Variants in FAM114A1 observed in about 807,000 individuals in gnomAD.
The protein encoded by FAM114A1 is family with sequence similarity 114 member A1, also known as protein NOXP20.
Under a neutral mutation model 64.3 loss-of-function variants are expected in FAM114A1, and 62 were observed. The ratio of observed to expected loss-of-function variants is 0.96; its 90% CI spans 0.79 to 1.19. FAM114A1 has a LOEUF of 1.19. Ranked by LOEUF, FAM114A1 falls within the 50% of genes most tolerant of loss-of-function variation. The pLI, the probability that FAM114A1 is intolerant of heterozygous loss-of-function variation, is 0.00. For synonymous variants in FAM114A1, 254 were observed against 251.1 expected, an observed-to-expected ratio of 1.01 and a Z score of -0.11; for missense variants, 645 against 676.3, an observed-to-expected ratio of 0.95 and a Z score of 0.51.
rs560968782 is a variant in FAM114A1, at chr4:38,893,811, C to T, written c.436+1981C>T. 6.6e-5 allele frequency among the ~76,000 whole-genome samples: 10 copies of T among 152,266 alleles called. No individual in the cohort carries two copies. The South Asian group carries it at 1.2e-3, about 19-fold the overall frequency. Reference sequence around the variant, plus strand: ...CCAGTGGATGGTGCTCCAAGGCCTCCGGGTTTTGTCACCTGGTTCACATGT... The same window carrying T: ...CCAGTGGATGGTGCTCCAAGGCCTCTGGGTTTTGTCACCTGGTTCACATGT... On this transcript the variant is annotated intron_variant, in intron 4 of 14. Transcript: ENST00000358869.
intron 6 of FAM114A1, among the ~76,000 whole-genome samples, chr4:38,907,923 AAAAG>A (rs1718178779): frequency 6.6e-6 from 1 of 152,226 alleles, no homozygotes; most frequent in African/African-American, 2.4e-5. Context: ...ATTTTTTAAA[AAAAG>A]CAACAATGAC....
At chr4:38,924,651 G>T (rs79198921) in intron 9 of FAM114A1, among the ~76,000 whole-genome samples, 12,790 of 152,252 alleles carry the variant, frequency 0.084, 1,079 homozygotes, top group African/African-American at 0.19. Context: ...CCGTATCAGA[G>T]ACAGTTGGGA....
intron 4 of FAM114A1, among the ~76,000 whole-genome samples, chr4:38,897,200 A>G (rs1267195718): frequency 6.6e-6 from 1 of 152,184 alleles, no homozygotes; most frequent in Non-Finnish European, 1.5e-5. Flanking sequence ...CTAACTAGCT[A>G]CACTGTGCCC....
At chr4:38,935,917 G>A (rs970490958) in intron 13 of FAM114A1, 127 bp downstream of exon 13, 17 of 692,154 alleles carry the variant, frequency 2.5e-5, no homozygotes, top group Non-Finnish European at 4.2e-5. Context: ...GTAAGCTGAA[G>A]TCAGGCCAAG....
At chr4:38,929,218 T>G (rs754064027) in intron 9 of FAM114A1, 24 bp from the exon 10 acceptor site, 2 of 1,558,396 alleles carry the variant, frequency 1.3e-6, no homozygotes, top group Admixed American at 1.7e-5. Context: ...AAATCACGCT[T>G]CTTCTGTCGT....
intron 8 of FAM114A1, among the ~76,000 whole-genome samples, chr4:38,916,703 A>G (rs746467067): frequency 1.3e-5 from 2 of 152,220 alleles, no homozygotes; most frequent in Non-Finnish European, 2.9e-5. Context: ...GAAATCCCTA[A>G]TGTAAATGAC....
At chr4:38,943,214 T>C (rs1721709003) in intron 14 of FAM114A1, among the ~76,000 whole-genome samples, 1 of 149,372 alleles carries the variant, frequency 6.7e-6, no homozygotes. Flanking sequence ...AAAAAAAAAT[T>C]CCATGAAAAT....
At chr4:38,898,409 A>C (rs1717153453) in intron 4 of FAM114A1, among the ~76,000 whole-genome samples, 1 of 152,222 alleles carries the variant, frequency 6.6e-6, no homozygotes, top group South Asian at 2.1e-4. Context: ...TATTACAGAG[A>C]ATGGCAAACT....
chr4:38,936,254 G>A (rs974998511), intron 13 of FAM114A1, among the ~76,000 whole-genome samples: 150 of 151,090 alleles, frequency 9.9e-4, no homozygotes, highest in African/African-American at 3.5e-3. Flanking sequence ...CACCACACCC[G>A]GCTAATTTTT....
intron 14 of FAM114A1, among the ~76,000 whole-genome samples, chr4:38,942,011 T>TGA (rs1175327440): frequency 1.7e-3 from 252 of 152,250 alleles, no homozygotes; most frequent in African/African-American, 5.2e-3. Context: ...GAAAGGCACA[T>TGA]CTCACATGGC....
At chr4:38,926,505 A>C (rs1213528591) in intron 9 of FAM114A1, among the ~76,000 whole-genome samples, 1 of 146,750 alleles carries the variant, frequency 6.8e-6, no homozygotes, top group African/African-American at 2.5e-5. Context: ...GCCAGGCTGG[A>C]GTACAGTGGT....
chr4:38,889,545 A>G (rs1716123647), intron 3 of FAM114A1, among the ~76,000 whole-genome samples: 1 of 152,150 alleles, frequency 6.6e-6, no homozygotes, highest in Non-Finnish European at 1.5e-5. Context: ...ATTTCTTTTG[A>G]TCTTCACGAA....
intron 12 of FAM114A1, among the ~76,000 whole-genome samples, chr4:38,932,702 GCCCAGGCTGGTCTCAAACT>G (rs1720758055): frequency 1.3e-5 from 2 of 151,630 alleles, no homozygotes; most frequent in African/African-American, 4.9e-5. Flanking sequence ...TGGCCACGTT[GCCCAGGCTGGTCTCAAACT>G]CCTGAGCTCA....
At chr4:38,897,594 C>T (rs1717058456) in intron 4 of FAM114A1, among the ~76,000 whole-genome samples, 1 of 152,188 alleles carries the variant, frequency 6.6e-6, no homozygotes, top group African/African-American at 2.4e-5. Flanking sequence ...ATTTGATCAC[C>T]TGTCACCCAT....
In FAM114A1 at chr4:38,944,127, G is replaced by C. The variant is rs1445523482; in HGVS notation, c.*570G>C. The C allele has an allele frequency of 7.0e-6, 1 of 141,850 alleles. No homozygotes were observed. Among genetic ancestry groups the C allele is most frequent in the African/African-American group, 2.7e-5 (1 of 37,066 alleles). 8.8% of individuals were successfully genotyped at this position (141,850 alleles called of 1,614,324 possible). Reference sequence around the variant, plus strand: ...CTCTGTCGCCAGGCTGGAGTGCGTTGGCACAATCTCGGCTCACTGCAACCT... The same window carrying C: ...CTCTGTCGCCAGGCTGGAGTGCGTTCGCACAATCTCGGCTCACTGCAACCT... On this transcript the variant is annotated 3_prime_UTR_variant, in exon 15 of 15. Coordinates refer to ENST00000358869, the MANE Select transcript of FAM114A1 (RefSeq NM_138389.4).
rs3067630 is a variant in FAM114A1, at chr4:38,890,401, C to CAAA, written c.349-1333_349-1331dup. On this transcript the variant is annotated intron_variant, in intron 3 of 14. Transcript: ENST00000358869. Reference sequence around the variant, plus strand: ...CTGGTGACAGAGCAAGACTCCGTCTCAAAAAAAAAAACAAAAAAAAACAGC... The same window carrying CAAA: ...CTGGTGACAGAGCAAGACTCCGTCTCAAAAAAAAAAAAAACAAAAAAAAACAGC... Among the ~76,000 whole-genome samples the CAAA allele has an allele frequency of 1.8e-3, 225 of 127,448 alleles. 5 individuals carry two copies. Among genetic ancestry groups the CAAA allele is most frequent in the Middle Eastern group, 0.015 (4 of 262 alleles). 83.6% of individuals were successfully genotyped at this position (127,448 alleles called of 152,430 possible). A position where few individuals can be genotyped will look rare whatever the true frequency, so the allele number is the denominator to read the frequency against.
Position 38,931,097 on chromosome 4 carries a change from A to G in FAM114A1, c.1162-354A>G, listed in dbSNP as rs528264892. Among the ~76,000 whole-genome samples the G allele has an allele frequency of 3.3e-5, 5 of 152,258 alleles. No individual in the cohort carries two copies. The South Asian group carries it at 6.2e-4, about 19-fold the overall frequency. On this transcript the variant is annotated intron_variant, in intron 10 of 14. Coordinates refer to ENST00000358869, the MANE Select transcript of FAM114A1 (RefSeq NM_138389.4). ...TCTAACACATATTTTTAAAAATACT[A>G]TTATTCTTTTATAGATGGTCATGAA...
chr4:38,923,584 T>A (rs375219697), intron 9 of FAM114A1, among the ~76,000 whole-genome samples: 15 of 152,198 alleles, frequency 9.9e-5, no homozygotes, highest in African/African-American at 3.6e-4. Flanking sequence ...ATGTTGATGG[T>A]GGGCAAATCT....
intron 7 of FAM114A1, among the ~76,000 whole-genome samples, chr4:38,910,355 A>G (rs1718418741): frequency 6.6e-6 from 1 of 152,160 alleles, no homozygotes; most frequent in African/African-American, 2.4e-5. Flanking sequence ...AAAAAGGTTT[A>G]CCTTTCGCTC....
Sources: gnomAD v4.1 joint callset for allele counts (sites outside exome capture counted in the v4.1 genomes callset) on GRCh38, gnomAD v4.1.1 for gene constraint, MANE v1.5 for transcripts, NCBI Gene and HGNC (gene_info 2026-07-23, HGNC 2026-07-21) for gene names.